Variants in SDK2 observed in about 807,000 individuals in gnomAD.
The protein encoded by SDK2 is sidekick cell adhesion molecule 2.
SDK2 carries 105 observed loss-of-function variants against 253.9 expected under a neutral mutation model. The ratio of observed to expected loss-of-function variants is 0.41; its 90% CI spans 0.35 to 0.49. The LOEUF (loss-of-function observed/expected upper bound fraction) is 0.49, where lower values mean the gene tolerates loss of function less well. Among genes scored for constraint, SDK2 ranks in the 20% least tolerant of loss-of-function variants. The pLI is 0.06. For missense variants in SDK2, 2,608 were observed against 3,003.0 expected, an observed-to-expected ratio of 0.87 and a Z score of 3.07; for synonymous variants, 1,249 against 1,234.9, an observed-to-expected ratio of 1.01 and a Z score of -0.24.
intron 1 of SDK2, among the ~76,000 whole-genome samples, chr17:73,624,937 T>C (rs1426109358): frequency 6.6e-6 from 1 of 152,188 alleles, no homozygotes; most frequent in African/African-American, 2.4e-5. Flanking sequence ...CTAATCTCTC[T>C]CCAAGAGTCA....
intron 36 of SDK2, chr17:73,369,170 G>A (rs1170676104): frequency 4.2e-6 from 2 of 470,840 alleles, no homozygotes; most frequent in East Asian, 1.4e-4. Flanking sequence ...CCATAGCGCT[G>A]GCACATCAGC....
At chr17:73,585,592 G>C (rs1467903856) in intron 1 of SDK2, among the ~76,000 whole-genome samples, 1 of 152,158 alleles carries the variant, frequency 6.6e-6, no homozygotes, top group Non-Finnish European at 1.5e-5. Context: ...GGCCAGGCGG[G>C]GAAATACTGG....
Position 73,352,948 on chromosome 17 carries a change from C to G in SDK2, c.5594-311G>C, listed in dbSNP as rs2062551974. Among the ~76,000 whole-genome samples the G allele has an allele frequency of 6.6e-6, 1 of 152,122 alleles. No individual in the cohort carries two copies. The highest frequency in any genetic ancestry group is 1.5e-5 in the Non-Finnish European group (1 of 68,020). ...CTCTACTAAAAATACAAAAATTAGTCTGGTGTGGTGGCACATGCCTGTAAT... is the reference window on the plus strand; with the variant it reads ...CTCTACTAAAAATACAAAAATTAGTGTGGTGTGGTGGCACATGCCTGTAAT... On this transcript the variant is annotated intron_variant, in intron 40 of 44. Transcript: ENST00000392650. The surrounding 1 kb of genome is among the most constrained non-coding windows in gnomAD (Gnocchi z 4.1).
intron 2 of SDK2, among the ~76,000 whole-genome samples, chr17:73,489,842 T>C (rs2063793707): frequency 6.6e-6 from 1 of 152,144 alleles, no homozygotes; most frequent in South Asian, 2.1e-4. Flanking sequence ...TCAACCTAGG[T>C]AGAGTAGCTA....
chr17:73,358,121 T>C lies in SDK2; in HGVS notation c.5551A>G (p.Lys1851Glu). 6.2e-7 allele frequency: 1 copy of C among 1,613,360 alleles called. No individual in the cohort carries two copies. The highest frequency in any genetic ancestry group is 1.1e-5 in the South Asian group (1 of 91,062). ...AIHWSSGDPG[K>E]GPITRYVIEA... ...ATGACGTAGCGGGTGATGGGCCCTT[T>C]GCCCGGGTCTCCGCTGGACCAGTGA... The change falls in exon 40 of 45, where the codon AAA becomes GAA. Residue 1851 changes from lysine to glutamate, a missense_variant. Transcript: ENST00000392650.
rs747149865 is a variant in SDK2, at chr17:73,401,727, G to A, written c.2706C>T (p.Ser902=). ...GCGATGTGTCCAGGATCTCACTGAAGCTCAGGTGTCCCACGGGCCCAGGCA... is the reference window on the plus strand; with the variant it reads ...GCGATGTGTCCAGGATCTCACTGAAACTCAGGTGTCCCACGGGCCCAGGCA... The part of the protein sequence containing the change: ...EDVPGPVGHL[S]FSEILDTSLK... Residue 902 remains serine, a synonymous_variant, in exon 20 of 45, where the codon AGC becomes AGT. Transcript: ENST00000392650. 11 of 1,587,276 alleles carry A rather than the reference G, an allele frequency of 6.9e-6. No homozygotes were observed. The South Asian group carries it at 1.3e-4, about 18-fold the overall frequency.
chr17:73,424,156 C>CTG (rs2063259925), intron 12 of SDK2, 64 bp from the exon 13 acceptor site: 4 of 1,393,042 alleles, frequency 2.9e-6, no homozygotes, highest in Non-Finnish European at 2.9e-6. Context: ...TGGGCCTAGC[C>CTG]TGAAGCTTGT....
At position 73,483,505 on chromosome 17, in the gene SDK2, G is replaced by GTA. The variant is rs2063741182; in HGVS notation, c.225-11288_225-11287insTA. ...TGTGTGTGTGTGTGTGTGTGTGTGT[G>GTA]TGTGTATGTGTGTGTGTATATATAT... On this transcript the variant is annotated intron_variant, in intron 2 of 44. Coordinates refer to ENST00000392650, the MANE Select transcript of SDK2 (RefSeq NM_001144952.2). Among the ~76,000 whole-genome samples, 4 of 99,738 alleles carry GTA rather than the reference G, an allele frequency of 4.0e-5. No homozygotes were observed. In the Admixed American group the frequency reaches 4.8e-4, roughly 12 times the overall value. The allele number at this position is 99,738 out of a possible 152,430, so 65.4% of individuals were successfully genotyped here.
intron 2 of SDK2, among the ~76,000 whole-genome samples, chr17:73,484,341 C>T (rs1300200413): frequency 1.3e-5 from 2 of 152,218 alleles, no homozygotes; most frequent in African/African-American, 4.8e-5. Flanking sequence ...CAGAGCAGCC[C>T]CATGGACCCA....
intron 1 of SDK2, among the ~76,000 whole-genome samples, chr17:73,580,224 T>TA (rs2045515775): frequency 6.6e-6 from 1 of 152,220 alleles, no homozygotes; most frequent in Admixed American, 6.5e-5. Flanking sequence ...TCCTTTCTGT[T>TA]AGACACTCCC....
At chr17:73,532,321 G>GC (rs1415948116) in intron 1 of SDK2, among the ~76,000 whole-genome samples, 1 of 151,876 alleles carries the variant, frequency 6.6e-6, no homozygotes, top group Non-Finnish European at 1.5e-5. Flanking sequence ...CCAGGGCCTT[G>GC]CCTTGACCCT....
intron 1 of SDK2, among the ~76,000 whole-genome samples, chr17:73,611,225 C>G (rs929658864): frequency 3.3e-5 from 5 of 151,036 alleles, no homozygotes; most frequent in African/African-American, 1.2e-4. Flanking sequence ...TTATCCCACT[C>G]TCTCTCTCTC....
At chr17:73,367,804 C>T (rs1261364692) in intron 37 of SDK2, among the ~76,000 whole-genome samples, 1 of 152,110 alleles carries the variant, frequency 6.6e-6, no homozygotes, top group African/African-American at 2.4e-5. Context: ...ATGCCTGGCC[C>T]CTGCCGGCCT....
At chr17:73,397,579 C>G (rs903451032) in intron 24 of SDK2, among the ~76,000 whole-genome samples, 3 of 152,180 alleles carry the variant, frequency 2.0e-5, no homozygotes, top group Non-Finnish European at 2.9e-5. Flanking sequence ...CTGTCACTAC[C>G]TCGTGCAGGA....
chr17:73,446,938 C>G (rs1473813375), intron 5 of SDK2, among the ~76,000 whole-genome samples: 1 of 152,166 alleles, frequency 6.6e-6, no homozygotes, highest in East Asian at 1.9e-4. Context: ...CATCTCGTCC[C>G]TCCAAAGAAA....
intron 1 of SDK2, among the ~76,000 whole-genome samples, chr17:73,532,102 C>T (rs890381153): frequency 2.0e-5 from 3 of 152,154 alleles, no homozygotes; most frequent in African/African-American, 7.2e-5. Flanking sequence ...TGGCGATGTC[C>T]GGAGATGTTT....
chr17:73,519,032 T>C (rs1353555295), intron 1 of SDK2: 2 of 152,282 alleles, frequency 1.3e-5, no homozygotes, highest in Admixed American at 6.5e-5. Flanking sequence ...CTGGGGACTC[T>C]GGTGACAAAG....
intron 36 of SDK2, among the ~76,000 whole-genome samples, chr17:73,373,703 C>A (rs1365722767): frequency 6.6e-6 from 1 of 152,136 alleles, no homozygotes; most frequent in Non-Finnish European, 1.5e-5. Context: ...GTCACCCAGG[C>A]TAGACTGCAG....
At chr17:73,579,703 G>A (rs374219892) in intron 1 of SDK2, among the ~76,000 whole-genome samples, 4 of 152,204 alleles carry the variant, frequency 2.6e-5, no homozygotes, top group Admixed American at 6.5e-5. Flanking sequence ...GAGGCTGGAC[G>A]CGGTGGCTCA....
Sources: gnomAD v4.1 joint callset for allele counts (sites outside exome capture counted in the v4.1 genomes callset) on GRCh38, gnomAD v4.1.1 for gene constraint, Gnocchi (gnomAD v3.1) non-coding constraint, MANE v1.5 for transcripts, NCBI Gene and HGNC (gene_info 2026-07-23, HGNC 2026-07-21) for gene names.